The following WDFY3 variants were observed in gnomAD, a reference collection of about 807,000 sequenced individuals.
WDFY3 encodes WD repeat and FYVE domain-containing protein 3.
In WDFY3, 66 loss-of-function variants were observed where a neutral mutation model predicts 409.6. The observed-to-expected ratio is 0.16, with a 90% CI of 0.13 to 0.20. The LOEUF (loss-of-function observed/expected upper bound fraction) is 0.20, where lower values mean the gene tolerates loss of function less well. Ranked by LOEUF, WDFY3 falls within the 10% of genes least tolerant of loss-of-function variation. The pLI, the probability that WDFY3 is intolerant of heterozygous loss-of-function variation, is 1.00. For missense variants in WDFY3, 3,031 were observed against 4,298.1 expected (o/e 0.71, Z 8.24); for synonymous variants, 1,521 against 1,537.1 (o/e 0.99, Z 0.25).
intron 26 of WDFY3, 59 bp from the exon 27 acceptor site, chr4:84,778,714 C>G: frequency 1.3e-6 from 2 of 1,521,798 alleles, no homozygotes; most frequent in Non-Finnish European, 1.8e-6. Context: ...TCATTACACA[C>G]ACACAAACAC....
rs192396104 is a variant in WDFY3, at chr4:84,713,946, A to T, written c.7962-707T>A. Among the ~76,000 whole-genome samples, 346 of 152,000 alleles carry T rather than the reference A, an allele frequency of 2.3e-3. 2 individuals are homozygous for T. Among genetic ancestry groups the T allele is most frequent in the African/African-American group, 8.0e-3 (330 of 41,446 alleles). ...ATCCTGGCCAACATGGTGAAACTCCATCTCTACTAAAAATACAAAAATTAG... is the reference window on the plus strand; with the variant it reads ...ATCCTGGCCAACATGGTGAAACTCCTTCTCTACTAAAAATACAAAAATTAG... On this transcript the variant is annotated intron_variant, in intron 50 of 67. Coordinates refer to ENST00000295888, the MANE Select transcript of WDFY3 (RefSeq NM_014991.6).
chr4:84,925,970 G>A (rs1233516366), intron 2 of WDFY3, among the ~76,000 whole-genome samples: 1 of 151,402 alleles, frequency 6.6e-6, no homozygotes, highest in African/African-American at 2.4e-5. Flanking sequence ...ATATAAAACT[G>A]GGTTTAAAAA....
At chr4:84,796,968 T>C (rs1749559081) in intron 18 of WDFY3, among the ~76,000 whole-genome samples, 1 of 152,166 alleles carries the variant, frequency 6.6e-6, no homozygotes. Flanking sequence ...GCAGAAATGT[T>C]GGAAACTAGA....
intron 3 of WDFY3, among the ~76,000 whole-genome samples, chr4:84,867,789 C>T (rs554024080): frequency 9.9e-4 from 150 of 152,128 alleles, no homozygotes; most frequent in Non-Finnish European, 1.7e-3. Flanking sequence ...ATTATATAAG[C>T]GAAGAAACAA....
intron 54 of WDFY3, among the ~76,000 whole-genome samples, chr4:84,704,719 C>T (rs1731633492): frequency 6.6e-6 from 1 of 152,076 alleles, no homozygotes; most frequent in Non-Finnish European, 1.5e-5. Context: ...AATAGTTAAC[C>T]CTTAATAGTA....
At chr4:84,849,762 C>G in intron 5 of WDFY3, 140 bp downstream of exon 5, 1 of 1,216,026 alleles carries the variant, frequency 8.2e-7, no homozygotes, top group Non-Finnish European at 1.1e-6. Flanking sequence ...GAATGTGACT[C>G]TAAGAAAGGG....
At chr4:84,904,195 T>C (rs1244144797) in intron 2 of WDFY3, among the ~76,000 whole-genome samples, 1 of 152,224 alleles carries the variant, frequency 6.6e-6, no homozygotes, top group Non-Finnish European at 1.5e-5. Flanking sequence ...GATCTTGAAC[T>C]AGAACTGTGA....
At chr4:84,840,422 A>T (rs532019794) in intron 6 of WDFY3, among the ~76,000 whole-genome samples, 2 of 152,240 alleles carry the variant, frequency 1.3e-5, no homozygotes, top group Admixed American at 1.3e-4. Flanking sequence ...GAGTAACCTT[A>T]GATAAAGAGT....
intron 53 of WDFY3, among the ~76,000 whole-genome samples, chr4:84,708,533 G>GC (rs1553922573): frequency 6.9e-6 from 1 of 144,418 alleles, no homozygotes; most frequent in Non-Finnish European, 1.5e-5. Context: ...GGCAACCGTA[G>GC]TTTTTTTTTT....
At chr4:84,763,399 A>C (rs1743051235) in intron 32 of WDFY3, among the ~76,000 whole-genome samples, 2 of 145,688 alleles carry the variant, frequency 1.4e-5, no homozygotes, top group South Asian at 4.4e-4. Context: ...GGTTAAGGGG[A>C]GGGAGAGAAT....
chr4:84,724,608 A>G lies in WDFY3; in HGVS notation c.7273-14T>C. The G allele has an allele frequency of 6.2e-7, 1 of 1,604,664 alleles. No homozygotes were observed. Among genetic ancestry groups the G allele is most frequent in the Non-Finnish European group, 8.5e-7 (1 of 1,175,952 alleles). On this transcript the variant is annotated splice_polypyrimidine_tract_variant and intron_variant, in intron 45 of 67. Transcript: ENST00000295888. The stretch of plus-strand genomic sequence containing the variant: ...TCGAGCAGGTTTCTAAGAAATGACA[A>G]AAGAAAATGACTCCGATAACTATCA...
intron 53 of WDFY3, among the ~76,000 whole-genome samples, chr4:84,708,415 T>C (rs1467708851): frequency 6.6e-6 from 1 of 152,216 alleles, no homozygotes; most frequent in Admixed American, 6.5e-5. Flanking sequence ...AGTAAGTGGG[T>C]CAATTATCCA....
At chr4:84,718,289 AATG>A in intron 48 of WDFY3, 130 bp downstream of exon 48, 1 of 824,612 alleles carries the variant, frequency 1.2e-6, no homozygotes, top group Non-Finnish European at 1.8e-6. Context: ...GTGAATATGT[AATG>A]ATGAATGCAC....
chr4:84,864,099 G>A (rs1318367543), intron 3 of WDFY3, among the ~76,000 whole-genome samples: 1 of 152,054 alleles, frequency 6.6e-6, no homozygotes, highest in Non-Finnish European at 1.5e-5. Flanking sequence ...AGGCGCAATG[G>A]CTGATGCCTG....
chr4:84,694,657 C>T (rs746568959), intron 58 of WDFY3, among the ~76,000 whole-genome samples: 2 of 152,096 alleles, frequency 1.3e-5, no homozygotes, highest in African/African-American at 4.8e-5. Flanking sequence ...CACAGCCAGG[C>T]GCCGTAGCTC....
At chr4:84,824,456 C>T (rs1161671893) in intron 10 of WDFY3, among the ~76,000 whole-genome samples, 1 of 152,088 alleles carries the variant, frequency 6.6e-6, no homozygotes, top group East Asian at 1.9e-4. Context: ...CCTTGGAACA[C>T]ATTTCCCCCA....
rs1228318411 is a variant in WDFY3, at chr4:84,833,736, C to T, written c.577-2131G>A. On this transcript the variant is annotated intron_variant, in intron 7 of 67. Coordinates refer to ENST00000295888, the MANE Select transcript of WDFY3 (RefSeq NM_014991.6). ...CAGAACAGAAGAGAACAGAAGAGAA[C>T]AGAAGAGAAGCGAAGCTCAATAGAG... is the stretch of plus-strand genomic sequence containing the variant. Among the ~76,000 whole-genome samples, 3 of 144,540 alleles carry T rather than the reference C, an allele frequency of 2.1e-5. No homozygotes were observed. In the East Asian group the frequency reaches 5.9e-4, roughly 28 times the overall value. 94.8% of individuals were successfully genotyped at this position (144,540 alleles called of 152,430 possible). A position where few individuals can be genotyped will look rare whatever the true frequency, so the allele number is the denominator to read the frequency against.
At chr4:84,784,858 G>GTATGTATATATATA (rs1747195451) in intron 24 of WDFY3, among the ~76,000 whole-genome samples, 1 of 88,990 alleles carries the variant, frequency 1.1e-5, no homozygotes, top group African/African-American at 5.0e-5. Context: ...AAGTGTATAT[G>GTATGTATATATATA]TATATATATA....
At chr4:84,839,439 T>C (rs1345999181) in intron 6 of WDFY3, among the ~76,000 whole-genome samples, 1 of 151,976 alleles carries the variant, frequency 6.6e-6, no homozygotes, top group East Asian at 1.9e-4. Flanking sequence ...TTACTTACAA[T>C]AACCAACCCT....
Sources: gnomAD v4.1 joint callset for allele counts (sites outside exome capture counted in the v4.1 genomes callset) on GRCh38, gnomAD v4.1.1 for gene constraint, MANE v1.5 for transcripts, NCBI Gene and HGNC (gene_info 2026-07-23, HGNC 2026-07-21) for gene names.